The following GPC6 variants were observed in gnomAD, a reference collection of about 807,000 sequenced individuals.
GPC6 encodes glypican-6.
A neutral mutation model predicts 55.2 loss-of-function variants in GPC6; 14 were observed. The ratio of observed to expected loss-of-function variants is 0.25; its 90% CI spans 0.17 to 0.40. GPC6 has a LOEUF of 0.40. Among genes scored for constraint, GPC6 ranks in the 10% least tolerant of loss-of-function variants. The probability of loss-of-function intolerance (pLI) is 1.00; values close to 1 mark genes in which losing one functional copy is unlikely to be tolerated. For missense variants in GPC6, 641 were observed against 708.5 expected (o/e 0.90, Z 1.08); for synonymous variants, 278 against 259.6 (o/e 1.07, Z -0.68).
Position 93,559,009 on chromosome 13 carries a change from C to T in GPC6, c.319+13588C>T, listed in dbSNP as rs546588392. On this transcript the variant is annotated intron_variant, in intron 2 of 8. Transcript: ENST00000377047. Reference sequence around the variant, plus strand: ...CAATAGTGGCCCTCCCTTCAAAGCCCATGCAACAAACATTCAGCAGTGGTT... The same window carrying T: ...CAATAGTGGCCCTCCCTTCAAAGCCTATGCAACAAACATTCAGCAGTGGTT... Among the ~76,000 whole-genome samples the T allele has an allele frequency of 3.9e-5, 6 of 152,268 alleles. No homozygotes were observed. In the East Asian group the frequency reaches 1.2e-3, roughly 29 times the overall value.
chr13:94,044,963 T>A (rs958935567), intron 4 of GPC6, among the ~76,000 whole-genome samples: 2 of 151,938 alleles, frequency 1.3e-5, no homozygotes, highest in African/African-American at 4.8e-5. Context: ...CTAATATAAC[T>A]AAGAAAACTT....
At chr13:93,988,327 A>T (rs1361396666) in intron 3 of GPC6, among the ~76,000 whole-genome samples, 1 of 152,000 alleles carries the variant, frequency 6.6e-6, no homozygotes, top group Non-Finnish European at 1.5e-5. Context: ...ATCTGTTGCT[A>T]TCCCCAGACC....
intron 3 of GPC6, among the ~76,000 whole-genome samples, chr13:93,968,700 T>C (rs1199386566): frequency 6.6e-6 from 1 of 152,204 alleles, no homozygotes; most frequent in Non-Finnish European, 1.5e-5. Context: ...AGACTGGCTG[T>C]GGAATACATA....
At chr13:94,119,960 A>G (rs1292894712) in intron 4 of GPC6, among the ~76,000 whole-genome samples, 2 of 152,164 alleles carry the variant, frequency 1.3e-5, no homozygotes, top group African/African-American at 4.8e-5. Context: ...ACATATAGAT[A>G]AAATAGATGT....
intron 2 of GPC6, among the ~76,000 whole-genome samples, chr13:93,634,339 C>T (rs746678817): frequency 3.3e-5 from 5 of 152,148 alleles, no homozygotes; most frequent in Non-Finnish European, 7.4e-5. Context: ...AACTGAAGAC[C>T]TAGTCTAGTC....
intron 1 of GPC6, among the ~76,000 whole-genome samples, chr13:93,361,975 A>G (rs1019563751): frequency 6.6e-6 from 1 of 152,214 alleles, no homozygotes; most frequent in Non-Finnish European, 1.5e-5. Context: ...CTGGATGATC[A>G]TACAAAGACT....
intron 1 of GPC6, among the ~76,000 whole-genome samples, chr13:93,242,086 C>G (rs923873922): frequency 6.6e-6 from 1 of 152,022 alleles, no homozygotes; most frequent in Admixed American, 6.6e-5. Flanking sequence ...ACTTTTTTCC[C>G]CAGTATTTTT....
chr13:93,248,371 A>G (rs138327444), intron 1 of GPC6, among the ~76,000 whole-genome samples: 2 of 149,696 alleles, frequency 1.3e-5, no homozygotes, highest in East Asian at 3.9e-4. Context: ...TTTCAAAAGT[A>G]TGATCTTATG....
chr13:93,695,761 A>C (rs757465383), intron 2 of GPC6, among the ~76,000 whole-genome samples: 8 of 152,122 alleles, frequency 5.3e-5, no homozygotes, highest in Non-Finnish European at 1.0e-4. Context: ...TATGTCAAAA[A>C]TGATGAGCTC....
chr13:93,445,044 T>C (rs58349728), intron 1 of GPC6, among the ~76,000 whole-genome samples: 2 of 152,170 alleles, frequency 1.3e-5, no homozygotes, highest in Non-Finnish European at 2.9e-5. Flanking sequence ...CTTTATATCA[T>C]TGTCACTTGG....
intron 4 of GPC6, among the ~76,000 whole-genome samples, chr13:94,226,282 G>A (rs1421193092): frequency 2.0e-5 from 3 of 152,180 alleles, no homozygotes; most frequent in African/African-American, 7.2e-5. Context: ...AAGAAGTGCT[G>A]GGGGCAGGGA....
At chr13:93,830,021 C>A in intron 2 of GPC6, 133 bp from the exon 3 acceptor site, 1 of 626,134 alleles carries the variant, frequency 1.6e-6, no homozygotes, top group Non-Finnish European at 2.8e-6. Flanking sequence ...TTTTATCTGT[C>A]CATTAACACC....
At chr13:93,900,568 A>G (rs1322849281) in intron 3 of GPC6, among the ~76,000 whole-genome samples, 1 of 152,168 alleles carries the variant, frequency 6.6e-6, no homozygotes, top group Non-Finnish European at 1.5e-5. Flanking sequence ...ACGCTGATGA[A>G]TCTTTTGTTC....
chr13:93,533,959 A>G (rs544811963), intron 1 of GPC6, among the ~76,000 whole-genome samples: 160 of 152,208 alleles, frequency 1.1e-3, no homozygotes, highest in Non-Finnish European at 2.0e-3. Context: ...CAATGTTCAA[A>G]CAGAGGAAGT....
intron 3 of GPC6, among the ~76,000 whole-genome samples, chr13:93,928,063 C>G (rs1305274071): frequency 6.6e-6 from 1 of 152,058 alleles, no homozygotes. Context: ...CCTGCACACT[C>G]TTATACTTAA....
At chr13:93,721,952 T>G (rs1052548964) in intron 2 of GPC6, among the ~76,000 whole-genome samples, 10 of 151,820 alleles carry the variant, frequency 6.6e-5, no homozygotes, top group African/African-American at 2.4e-4. Context: ...TTTGAAAAAT[T>G]CTAAGTAATG....
chr13:93,737,364 A>G (rs567805015), intron 2 of GPC6, among the ~76,000 whole-genome samples: 2 of 152,270 alleles, frequency 1.3e-5, no homozygotes, highest in Admixed American at 6.5e-5. Context: ...CAACTGTGCC[A>G]TGTTTTCTAA....
chr13:93,272,288 CA>C (rs1877557232), intron 1 of GPC6, among the ~76,000 whole-genome samples: 1 of 151,580 alleles, frequency 6.6e-6, no homozygotes. Flanking sequence ...GCAGATTTAC[CA>C]AATGAATAAG....
intron 4 of GPC6, among the ~76,000 whole-genome samples, chr13:94,219,181 A>G (rs935505143): frequency 1.3e-5 from 2 of 152,186 alleles, no homozygotes; most frequent in African/African-American, 4.8e-5. Flanking sequence ...AAGCAGAGAT[A>G]TAGATATTAT....
Sources: gnomAD v4.1 joint callset for allele counts (sites outside exome capture counted in the v4.1 genomes callset) on GRCh38, gnomAD v4.1.1 for gene constraint, MANE v1.5 for transcripts, NCBI Gene and HGNC (gene_info 2026-07-23, HGNC 2026-07-21) for gene names.